The following PCDHGB3 variants were observed in gnomAD, a reference collection of about 807,000 sequenced individuals.
The protein encoded by PCDHGB3 is protocadherin gamma subfamily B, 3, also known as protocadherin gamma-B3.
A neutral mutation model predicts 59.2 loss-of-function variants in PCDHGB3; 40 were observed. That is an observed-to-expected ratio of 0.68 (90% CI 0.52 to 0.88). The LOEUF is 0.88. PCDHGB3 is among the 40% of genes least tolerant of loss of function. The pLI, the probability that PCDHGB3 is intolerant of heterozygous loss-of-function variation, is 0.00. For missense variants in PCDHGB3, 1,309 were observed against 1,187.9 expected (o/e 1.10, Z -1.50); for synonymous variants, 581 against 503.6 (o/e 1.15, Z -2.06).
chr5:141,423,804 T>C (rs571396807), intron 1 of PCDHGB3: 50 of 1,240,508 alleles, frequency 4.0e-5, no homozygotes, highest in African/African-American at 2.7e-4. Flanking sequence ...GAGCAATACA[T>C]GTGAGTTTTA....
chr5:141,371,961 G>C lies in PCDHGB3; in HGVS notation c.1567G>C (p.Glu523Gln). The change falls in exon 1 of 4, where the codon GAG (glutamate) becomes CAG (glutamine). Residue 523 changes from glutamate (E) to glutamine (Q), a missense_variant. Transcript: ENST00000576222. ...GTTCGCGCAGCGAGCCTTCGACCAC[G>C]AGCAGCTGCGTGCCTTCGAGCTCAC... ...VVFAQRAFDHEQLRAFELTLQ... is the reference protein window; with the variant it reads ...VVFAQRAFDHQQLRAFELTLQ... 6.2e-7 allele frequency: 1 copy of C among 1,613,240 alleles called. No individual in the cohort carries two copies. Among genetic ancestry groups the C allele is most frequent in the Admixed American group, 1.7e-5 (1 of 60,006 alleles).
chr5:141,463,927 A>G (rs1454864391), intron 1 of PCDHGB3, among the ~76,000 whole-genome samples: 1 of 152,206 alleles, frequency 6.6e-6, no homozygotes, highest in Non-Finnish European at 1.5e-5. Flanking sequence ...AAATCATTCT[A>G]TATAAATTTA....
At position 141,477,107 on chromosome 5, in the gene PCDHGB3, C is replaced by A. The variant is rs1431445150; in HGVS notation, c.2416-17700C>A. ...CCAGGCCAAAGACAAGGGCGCCAAT[C>A]CCGAAGGAGCACATTGCAAAGTGTT... On this transcript the variant is annotated intron_variant, in intron 1 of 3. Coordinates refer to ENST00000576222, the MANE Select transcript of PCDHGB3 (RefSeq NM_018924.5). This position sits in a 1 kb window ranked among gnomAD's most constrained non-coding sequence, Gnocchi z 4.9. 1 of 1,614,252 alleles carries A rather than the reference C, an allele frequency of 6.2e-7. No homozygotes were observed. The highest frequency in any genetic ancestry group is 8.5e-7 in the Non-Finnish European group (1 of 1,180,048).
At chr5:141,394,945 T>A in intron 1 of PCDHGB3, 1 of 1,613,892 alleles carries the variant, frequency 6.2e-7, no homozygotes, top group African/African-American at 1.3e-5. Context: ...GTCGCTGTGC[T>A]TCTGGGGCTC....
intron 1 of PCDHGB3, chr5:141,394,162 C>T: frequency 6.2e-7 from 1 of 1,613,904 alleles, no homozygotes; most frequent in Non-Finnish European, 8.5e-7. Context: ...GACAACCCTC[C>T]TACTTTCCCT....
chr5:141,374,534 C>G lies in PCDHGB3; in HGVS notation c.2415+1725C>G, dbSNP rs868822562. The G allele has an allele frequency of 3.7e-6, 6 of 1,613,096 alleles. No homozygotes were observed. Among genetic ancestry groups the G allele is most frequent in the Admixed American group, 3.3e-5 (2 of 60,024 alleles). On this transcript the variant is annotated intron_variant, in intron 1 of 3. Transcript: ENST00000576222. ...TCTCGAAAACGCAGCTCCATCCTCT[C>G]GTTTTCCACTAATGGAGGTCTATGA...
chr5:141,374,114 A>G, intron 1 of PCDHGB3: 1 of 1,580,920 alleles, frequency 6.3e-7, no homozygotes, highest in Non-Finnish European at 8.6e-7. Flanking sequence ...TCCGCAGCGC[A>G]GCGAGCAGGT....
intron 1 of PCDHGB3, among the ~76,000 whole-genome samples, chr5:141,443,486 A>AAAAC (rs1345310906): frequency 6.6e-6 from 1 of 152,166 alleles, no homozygotes; most frequent in Non-Finnish European, 1.5e-5. Flanking sequence ...ACCCTGTCCC[A>AAAAC]AAACAAACAA....
chr5:141,448,786 A>C (rs1354591718), intron 1 of PCDHGB3, among the ~76,000 whole-genome samples: 1 of 148,848 alleles, frequency 6.7e-6, no homozygotes, highest in African/African-American at 2.5e-5. Flanking sequence ...TAAAAATACA[A>C]AAAAAAAAAT....
At chr5:141,499,438 G>A (rs2154592492) in intron 2 of PCDHGB3, among the ~76,000 whole-genome samples, 1 of 152,158 alleles carries the variant, frequency 6.6e-6, no homozygotes, top group Admixed American at 6.5e-5. Context: ...AAAATTAAAA[G>A]GAAAACCACC....
chr5:141,496,876 A>G (rs964149656), intron 2 of PCDHGB3, among the ~76,000 whole-genome samples: 1 of 149,154 alleles, frequency 6.7e-6, no homozygotes, highest in African/African-American at 2.5e-5. Flanking sequence ...AAAATTTGCA[A>G]CAAGTAACAC....
At chr5:141,423,042 G>A in intron 1 of PCDHGB3, 1 of 1,614,220 alleles carries the variant, frequency 6.2e-7, no homozygotes, top group Non-Finnish European at 8.5e-7. Context: ...ACGCCTGGCT[G>A]TCCTATCGCC....
At position 141,491,267 on chromosome 5, in the gene PCDHGB3, A is replaced by C. The variant is rs1376540913; in HGVS notation, c.2416-3540A>C. ...GATGAGGACCCTGAGGAAATGCCCA[A>C]ATCCAGTGACTTCCTCATACACCCT... On this transcript the variant is annotated intron_variant, in intron 1 of 3. Coordinates refer to ENST00000576222, the MANE Select transcript of PCDHGB3 (RefSeq NM_018924.5). This position sits in a 1 kb window ranked among gnomAD's most constrained non-coding sequence, Gnocchi z 6.9. The C allele has an allele frequency of 2.5e-6, 4 of 1,613,944 alleles. No individual in the cohort carries two copies. The highest frequency in any genetic ancestry group is 3.4e-6 in the Non-Finnish European group (4 of 1,179,936).
At chr5:141,384,882 C>A in intron 1 of PCDHGB3, 1 of 1,613,872 alleles carries the variant, frequency 6.2e-7, no homozygotes, top group South Asian at 1.1e-5. Context: ...TCACACTCAC[C>A]GTGGCTGTGG....
intron 1 of PCDHGB3, among the ~76,000 whole-genome samples, chr5:141,458,726 C>T (rs1301761231): frequency 1.3e-5 from 2 of 151,992 alleles, no homozygotes; most frequent in African/African-American, 4.8e-5. Flanking sequence ...TTCGCCACCA[C>T]ATCCAGCTAT....
Position 141,404,436 on chromosome 5 carries a change from C to T in PCDHGB3, c.2415+31627C>T. On this transcript the variant is annotated intron_variant, in intron 1 of 3. Transcript: ENST00000576222. Reference sequence around the variant, plus strand: ...GTTATTTACTCCTTGGCAGAGGATACCATCCAAGGGTCTCCTCTCTCCACC... The same window carrying T: ...GTTATTTACTCCTTGGCAGAGGATATCATCCAAGGGTCTCCTCTCTCCACC... 1.9e-6 allele frequency: 3 copies of T among 1,612,706 alleles called. No individual in the cohort carries two copies. In the East Asian group the frequency reaches 6.7e-5, roughly 36 times the overall value.
At position 141,372,255 on chromosome 5, in the gene PCDHGB3, C is replaced by CTGCGCACGGGTGAGG; in HGVS notation, c.1871_1885dup (p.Gly624_Thr628dup). ...CGAGCCCGGGCTGTTCAGCCTGGGC[C>CTGCGCACGGGTGAGG]TGCGCACGGGTGAGGTGCGCACGGC... On this transcript the variant is annotated inframe_insertion, in exon 1 of 4. Transcript: ENST00000576222. 2 of 1,613,136 alleles carry CTGCGCACGGGTGAGG rather than the reference C, an allele frequency of 1.2e-6. No homozygotes were observed. The highest frequency in any genetic ancestry group is 2.2e-5 in the East Asian group (1 of 44,866).
chr5:141,415,107 A>C (rs372656276), intron 1 of PCDHGB3: 12 of 1,613,634 alleles, frequency 7.4e-6, no homozygotes, highest in East Asian at 2.2e-5. Context: ...CGCTCAAGCA[A>C]AGCCTCGTAG....
chr5:141,494,449 G>A (rs185095384), intron 1 of PCDHGB3, among the ~76,000 whole-genome samples: 2 of 152,254 alleles, frequency 1.3e-5, no homozygotes, highest in East Asian at 3.9e-4. Flanking sequence ...CACTTTAGGG[G>A]GCTTTGTCTG....
Sources: gnomAD v4.1 joint callset for allele counts (sites outside exome capture counted in the v4.1 genomes callset) on GRCh38, gnomAD v4.1.1 for gene constraint, Gnocchi (gnomAD v3.1) non-coding constraint, MANE v1.5 for transcripts, NCBI Gene and HGNC (gene_info 2026-07-23, HGNC 2026-07-21) for gene names.